NEIL3: variants seen among roughly 807,000 people sequenced by gnomAD.
The protein encoded by NEIL3 is endonuclease 8-like 3.
Under a neutral mutation model 57.5 loss-of-function variants are expected in NEIL3, and 48 were observed. That is an observed-to-expected ratio of 0.83 (90% CI 0.66 to 1.06). The LOEUF is 1.06. Ranked by LOEUF, NEIL3 falls within the 50% of genes least tolerant of loss-of-function variation. The pLI, the probability that NEIL3 is intolerant of heterozygous loss-of-function variation, is 0.00. For missense variants in NEIL3, 717 were observed against 739.1 expected (o/e 0.97, Z 0.35); for synonymous variants, 261 against 253.2 (o/e 1.03, Z -0.29).
rs565619267 is a variant in NEIL3 at position 177,336,437 on chromosome 4, C to G, written c.627+116C>G. The G allele has an allele frequency of 5.2e-6, 4 of 764,744 alleles. No homozygotes were observed. The Admixed American group carries it at 1.1e-4, about 21-fold the overall frequency. 47.4% of individuals were successfully genotyped at this position (764,744 alleles called of 1,614,324 possible). On this transcript the variant is annotated intron_variant, in intron 4 of 9. Coordinates refer to ENST00000264596, the MANE Select transcript of NEIL3 (RefSeq NM_018248.3). Reference sequence around the variant, plus strand: ...ACAGTCTCATCAGACTTCAGGTGTCCCGCTTCCCATTTCTACCCAGGTCAA... The same window carrying G: ...ACAGTCTCATCAGACTTCAGGTGTCGCGCTTCCCATTTCTACCCAGGTCAA...
chr4:177,342,041 A>C (rs34539659), intron 6 of NEIL3, among the ~76,000 whole-genome samples: 317 of 152,358 alleles, frequency 2.1e-3, no homozygotes, highest in Middle Eastern at 3.4e-3. Flanking sequence ...TGGTGAAATA[A>C]TAGACCACTT....
At position 177,310,166 on chromosome 4, in the gene NEIL3, C is replaced by A. The variant is rs1734450337; in HGVS notation, c.156+57C>A. 4 of 1,447,746 alleles carry A rather than the reference C, an allele frequency of 2.8e-6. No individual in the cohort carries two copies. In the African/African-American group the frequency reaches 5.9e-5, roughly 21 times the overall value. 89.7% of individuals were successfully genotyped at this position (1,447,746 alleles called of 1,614,324 possible). A position where few individuals can be genotyped will look rare whatever the true frequency, so the allele number is the denominator to read the frequency against. ...AGCAGGGGGGAAATGGAATAAAGAC[C>A]CCATCAGGGTTCCAGGATTTAAAGT... On this transcript the variant is annotated intron_variant, in intron 1 of 9. Transcript: ENST00000264596.
chr4:177,310,858 A>G (rs545674219), intron 1 of NEIL3, among the ~76,000 whole-genome samples: 17 of 152,310 alleles, frequency 1.1e-4, no homozygotes, highest in Non-Finnish European at 1.5e-4. Flanking sequence ...CTGTATTTCA[A>G]TTTCTTCTGC....
rs772746359 is a variant in NEIL3, at chr4:177,341,458, G to A, written c.703-18G>A. On this transcript the variant is annotated intron_variant, in intron 5 of 9. Transcript: ENST00000264596. ...TGTTTTGTGGATAACAGAATTTTTTGGTTTTTTTTTTTTTTAGTGCCGTAA... is the reference window on the plus strand; with the variant it reads ...TGTTTTGTGGATAACAGAATTTTTTAGTTTTTTTTTTTTTTAGTGCCGTAA... 6.9e-7 allele frequency: 1 copy of A among 1,451,840 alleles called. No individual in the cohort carries two copies. Among genetic ancestry groups the A allele is most frequent in the South Asian group, 1.3e-5 (1 of 78,036 alleles). The allele number at this position is 1,451,840 out of a possible 1,614,324, so 89.9% of individuals were successfully genotyped here. A position where few individuals can be genotyped will look rare whatever the true frequency, so the allele number is the denominator to read the frequency against.
rs116379691 is a variant in NEIL3, at chr4:177,313,138, A to G, written c.156+3029A>G. 4.7e-3 allele frequency among the ~76,000 whole-genome samples: 714 copies of G among 152,374 alleles called. 2 individuals are homozygous for G. The highest frequency in any genetic ancestry group is 0.016 in the African/African-American group (669 of 41,598). The stretch of plus-strand genomic sequence containing the variant: ...CATACTGCATTCTTTACAGTGCAGT[A>G]AACATGGAAAAAGTTACTAATGAGA... On this transcript the variant is annotated intron_variant, in intron 1 of 9. Transcript: ENST00000264596.
intron 2 of NEIL3, among the ~76,000 whole-genome samples, chr4:177,328,461 G>A (rs1021966): frequency 0.3 from 46,074 of 151,998 alleles, 7,037 homozygotes; most frequent in East Asian, 0.32. Flanking sequence ...AAGAAACATT[G>A]CATATTAATA....
chr4:177,328,430 A>T (rs1401832588), intron 2 of NEIL3, among the ~76,000 whole-genome samples: 1 of 152,208 alleles, frequency 6.6e-6, no homozygotes, highest in African/African-American at 2.4e-5. Context: ...AGATGAAGAG[A>T]AAGTGCTGGA....
intron 1 of NEIL3, among the ~76,000 whole-genome samples, chr4:177,316,186 T>C (rs1449732441): frequency 1.3e-5 from 2 of 152,326 alleles, no homozygotes; most frequent in East Asian, 3.9e-4. Flanking sequence ...AAATATCTTA[T>C]GGTACTGTAC....
intron 2 of NEIL3, among the ~76,000 whole-genome samples, chr4:177,329,571 T>A (rs1734842885): frequency 6.6e-6 from 1 of 152,206 alleles, no homozygotes; most frequent in Admixed American, 6.5e-5. Flanking sequence ...ATTCAAAAGA[T>A]GTAAAGCAAG....
chr4:177,359,334 A>G (rs1735558319), intron 8 of NEIL3, among the ~76,000 whole-genome samples: 1 of 152,234 alleles, frequency 6.6e-6, no homozygotes, highest in Non-Finnish European at 1.5e-5. Flanking sequence ...GTTTGAGTTC[A>G]TCCCAGCAAA....
rs1255378352 is a variant in NEIL3, at chr4:177,335,768, A to G, written c.359A>G (p.Glu120Gly). ...KYKNGASPVLEVQLTKDLICF... is the reference protein window; with the variant it reads ...KYKNGASPVLGVQLTKDLICF... ...AAAAATGGAGCTTCTCCTGTTTTGGAAGTGCAGCTCACCAAAGATTTGATT... is the reference window on the plus strand; with the variant it reads ...AAAAATGGAGCTTCTCCTGTTTTGGGAGTGCAGCTCACCAAAGATTTGATT... Residue 120 changes from glutamate (E) to glycine (G), a missense_variant, in exon 3 of 10, where the codon GAA (glutamate) becomes GGA (glycine). Glu to Gly is a moderately conservative substitution (Grantham distance 98). Transcript: ENST00000264596. 1 of 1,591,734 alleles carries G rather than the reference A, an allele frequency of 6.3e-7. No homozygotes were observed. Among genetic ancestry groups the G allele is most frequent in the Non-Finnish European group, 8.5e-7 (1 of 1,171,956 alleles).
At position 177,317,580 on chromosome 4, in the gene NEIL3, G is replaced by A. The variant is rs1238577151; in HGVS notation, c.157-4879G>A. On this transcript the variant is annotated intron_variant, in intron 1 of 9. Coordinates refer to ENST00000264596, the MANE Select transcript of NEIL3 (RefSeq NM_018248.3). ...GCTAAATGGCCACATCATTTTCCAC[G>A]GTTAGAACTTTCTTTTCTTTTTTTT... Among the ~76,000 whole-genome samples the A allele has an allele frequency of 6.7e-5, 10 of 148,394 alleles. No individual in the cohort carries two copies. In the East Asian group the frequency reaches 1.8e-3, roughly 26 times the overall value.
At chr4:177,343,647 A>T (rs1019844112) in intron 6 of NEIL3, 2 of 152,064 alleles carry the variant, frequency 1.3e-5, no homozygotes, top group Admixed American at 1.3e-4. Context: ...CTTGTTCTCC[A>T]ATACTTTTCT....
At position 177,336,163 on chromosome 4, in the gene NEIL3, T is replaced by TCAAA. The variant is rs1476348104; in HGVS notation, c.471_472insAACA (p.Pro158AsnfsTer3). The TCAAA allele has an allele frequency of 6.2e-7, 1 of 1,613,894 alleles. No homozygotes were observed. Among genetic ancestry groups the TCAAA allele is most frequent in the Non-Finnish European group, 8.5e-7 (1 of 1,179,794 alleles). On this transcript the variant is annotated frameshift_variant, in exon 4 of 10. Transcript: ENST00000264596. LOFTEE classifies it high-confidence loss of function. ...AATGATGAAAGAATTAGATGTATGT[T>TCAAA]CACCTGAATTTAGTTTCTTGAGAGC...
At chr4:177,320,625 C>T (rs1227266517) in intron 1 of NEIL3, among the ~76,000 whole-genome samples, 2 of 151,216 alleles carry the variant, frequency 1.3e-5, no homozygotes, top group Non-Finnish European at 2.9e-5. Flanking sequence ...CTACAGGCGC[C>T]CGCCACCATG....
At chr4:177,360,388 C>A in intron 8 of NEIL3, 115 bp from the exon 9 acceptor site, 2 of 649,928 alleles carry the variant, frequency 3.1e-6, no homozygotes, top group East Asian at 2.8e-5. Flanking sequence ...TAACGAGGTC[C>A]ACTTTTTGAT....
Position 177,362,522 on chromosome 4 carries a change from G to GAA in NEIL3, c.*51_*52insAA. On this transcript the variant is annotated 3_prime_UTR_variant, in exon 10 of 10. Coordinates refer to ENST00000264596, the MANE Select transcript of NEIL3 (RefSeq NM_018248.3). ...TCTCTTCAAACTGTGTATAATGTTTGGTCCTCCTCTGTTTCATAGAAAAGT... is the reference window on the plus strand; with the variant it reads ...TCTCTTCAAACTGTGTATAATGTTTGAAGTCCTCCTCTGTTTCATAGAAAAGT... 1 of 1,366,536 alleles carries GAA rather than the reference G, an allele frequency of 7.3e-7. No homozygotes were observed. The highest frequency in any genetic ancestry group is 1.0e-6 in the Non-Finnish European group (1 of 997,416). The allele number at this position is 1,366,536 out of a possible 1,614,324, so 84.7% of individuals were successfully genotyped here.
rs548376384 is a variant in NEIL3, at chr4:177,359,383, A to G, written c.1461-1120A>G. Among the ~76,000 whole-genome samples, 11 of 152,358 alleles carry G rather than the reference A, an allele frequency of 7.2e-5. No individual in the cohort carries two copies. In the South Asian group the frequency reaches 8.3e-4, roughly 11 times the overall value. ...GTATATTTAAGCATCCTTTATATAA[A>G]TGAATTTCAGTCCATTTAATCACAA... On this transcript the variant is annotated intron_variant, in intron 8 of 9. Transcript: ENST00000264596.
At chr4:177,341,062 G>C (rs1386643776) in intron 5 of NEIL3, among the ~76,000 whole-genome samples, 1 of 152,036 alleles carries the variant, frequency 6.6e-6, no homozygotes, top group Non-Finnish European at 1.5e-5. Context: ...TGTTGAAACT[G>C]AGTGAGCAGT....
Sources: gnomAD v4.1 joint callset for allele counts (sites outside exome capture counted in the v4.1 genomes callset) on GRCh38, gnomAD v4.1.1 for gene constraint, MANE v1.5 for transcripts, NCBI Gene and HGNC (gene_info 2026-07-23, HGNC 2026-07-21) for gene names.